VKORC1L1: variants seen among roughly 807,000 people sequenced by gnomAD.
VKORC1L1 encodes vitamin K epoxide reductase complex subunit 1-like protein 1.
VKORC1L1 carries 2 observed loss-of-function variants against 18.9 expected under a neutral mutation model. That is an observed-to-expected ratio of 0.11 (90% CI 0.04 to 0.33). The LOEUF (loss-of-function observed/expected upper bound fraction) is 0.33. Ranked by LOEUF, VKORC1L1 falls within the 10% of genes least tolerant of loss-of-function variation. The pLI is 1.00. For synonymous variants in VKORC1L1, 96 were observed against 100.0 expected (o/e 0.96, Z 0.24); for missense variants, 123 against 224.1 (o/e 0.55, Z 2.88).
chr7:65,941,677 T>G (rs924389200), intron 1 of VKORC1L1, among the ~76,000 whole-genome samples: 16 of 124,856 alleles, frequency 1.3e-4, no homozygotes, highest in African/African-American at 6.6e-4. Flanking sequence ...CTTAAGGTTT[T>G]TTTTTTTTTT....
chr7:65,872,866 C>G (rs564974062), upstream of VKORC1L1, among the ~76,000 whole-genome samples: 3 of 152,100 alleles, frequency 2.0e-5, no homozygotes, highest in African/African-American at 4.8e-5. Context: ...GAGGGTTCGC[C>G]CAGTCACCCA....
chr7:65,924,202 C>A (rs1789723151), intron 1 of VKORC1L1, among the ~76,000 whole-genome samples: 1 of 152,172 alleles, frequency 6.6e-6, no homozygotes, highest in Admixed American at 6.5e-5. Context: ...CTGGGCATAT[C>A]AGCTTCCCAA....
chr7:65,935,628 C>T (rs572360996), intron 1 of VKORC1L1, among the ~76,000 whole-genome samples: 2 of 152,192 alleles, frequency 1.3e-5, no homozygotes, highest in East Asian at 3.9e-4. Context: ...GTTTCTGATG[C>T]AAAATTGGTA....
At chr7:65,873,798 G>A (rs2116314738) in intron 1 of VKORC1L1, among the ~76,000 whole-genome samples, 1 of 151,866 alleles carries the variant, frequency 6.6e-6, no homozygotes, top group South Asian at 2.1e-4. Flanking sequence ...AGGCAGCCGG[G>A]GAGGGATGAG....
chr7:65,911,242 T>C (rs1184277068), intron 1 of VKORC1L1, among the ~76,000 whole-genome samples: 1 of 152,238 alleles, frequency 6.6e-6, no homozygotes, highest in Non-Finnish European at 1.5e-5. Flanking sequence ...GTAAATTTGG[T>C]TAAAAAGAAT....
intron 1 of VKORC1L1, among the ~76,000 whole-genome samples, chr7:65,930,079 A>C (rs1375842041): frequency 6.6e-6 from 1 of 152,178 alleles, no homozygotes; most frequent in Non-Finnish European, 1.5e-5. Flanking sequence ...CTAATAGTTC[A>C]TTACTAGAAT....
At chr7:65,893,171 T>A (rs747119175) in intron 1 of VKORC1L1, among the ~76,000 whole-genome samples, 1 of 152,154 alleles carries the variant, frequency 6.6e-6, no homozygotes, top group Non-Finnish European at 1.5e-5. Context: ...AAAACAGTTA[T>A]TTTTCATTAA....
chr7:65,947,876 GA>G (rs1324747281), intron 1 of VKORC1L1, among the ~76,000 whole-genome samples: 8 of 152,186 alleles, frequency 5.3e-5, no homozygotes, highest in African/African-American at 1.7e-4. Context: ...ATTTTGAGTA[GA>G]GACGGGTTTC....
At chr7:65,925,346 A>G (rs988381105) in intron 1 of VKORC1L1, among the ~76,000 whole-genome samples, 13 of 152,094 alleles carry the variant, frequency 8.5e-5, no homozygotes, top group African/African-American at 2.2e-4. Context: ...TACTTCTTCA[A>G]TCTTCGGATC....
intron 1 of VKORC1L1, among the ~76,000 whole-genome samples, chr7:65,910,369 C>T (rs776425313): frequency 2.6e-5 from 4 of 151,860 alleles, no homozygotes; most frequent in African/African-American, 7.3e-5. Flanking sequence ...TTTTTTGTAC[C>T]GAGATCACAC....
chr7:65,876,760 T>C (rs1788833742), intron 1 of VKORC1L1, among the ~76,000 whole-genome samples: 1 of 152,136 alleles, frequency 6.6e-6, no homozygotes, highest in South Asian at 2.1e-4. Flanking sequence ...AACACCTACT[T>C]AGGGCCTGGT....
In VKORC1L1 at chr7:65,899,675, C is replaced by T. The variant is rs149462664; in HGVS notation, c.194+26110C>T. 2.7e-3 allele frequency among the ~76,000 whole-genome samples: 405 copies of T among 152,144 alleles called. 2 individuals are homozygous for T. Among genetic ancestry groups the T allele is most frequent in the African/African-American group, 9.3e-3 (387 of 41,524 alleles). ...GTGAGATTCTGGCCTGTGAAAACAG[C>T]TGGAGTTACGAGATAGAAATGGGGA... On this transcript the variant is annotated intron_variant, in intron 1 of 2. Transcript: ENST00000360768.
At chr7:65,942,303 C>T (rs1253889003) in intron 1 of VKORC1L1, among the ~76,000 whole-genome samples, 1 of 151,282 alleles carries the variant, frequency 6.6e-6, no homozygotes, top group Non-Finnish European at 1.5e-5. Flanking sequence ...CTGGCTAACA[C>T]GGTGAAACCC....
chr7:65,905,879 T>C (rs1789397962), intron 1 of VKORC1L1, among the ~76,000 whole-genome samples: 2 of 152,192 alleles, frequency 1.3e-5, no homozygotes, highest in African/African-American at 4.8e-5. Flanking sequence ...GCTTGTAGGA[T>C]ACTTACTTTA....
At chr7:65,902,057 C>T (rs2116394490) in intron 1 of VKORC1L1, among the ~76,000 whole-genome samples, 1 of 152,186 alleles carries the variant, frequency 6.6e-6, no homozygotes, top group Middle Eastern at 3.4e-3. Flanking sequence ...AGAACAAAGT[C>T]CAGCCCTATT....
intron 1 of VKORC1L1, among the ~76,000 whole-genome samples, chr7:65,927,369 A>G (rs550982883): frequency 2.6e-5 from 4 of 152,136 alleles, no homozygotes; most frequent in Non-Finnish European, 5.9e-5. Context: ...AGAATTCACT[A>G]TATGTAGGAT....
intron 1 of VKORC1L1, among the ~76,000 whole-genome samples, chr7:65,921,976 C>T (rs1789683831): frequency 6.6e-6 from 1 of 152,074 alleles, no homozygotes; most frequent in East Asian, 1.9e-4. Flanking sequence ...CATGAGCCAC[C>T]TCATTTCTTT....
chr7:65,904,033 G>A (rs1441540376), intron 1 of VKORC1L1, among the ~76,000 whole-genome samples: 2 of 152,140 alleles, frequency 1.3e-5, no homozygotes, highest in African/African-American at 4.8e-5. Flanking sequence ...GAAATGTTCT[G>A]CAGTTAGTGG....
Position 65,954,318 on chromosome 7 carries a change from C to G in VKORC1L1, c.*18C>G. 6.2e-7 allele frequency: 1 copy of G among 1,613,780 alleles called. No individual in the cohort carries two copies. Among genetic ancestry groups the G allele is most frequent in the Non-Finnish European group, 8.5e-7 (1 of 1,179,976 alleles). ...AGGACTGACGCCCGACAGACTCCACCCTAACAGTCTCAAGCCCCTTTCCAT... is the reference window on the plus strand; with the variant it reads ...AGGACTGACGCCCGACAGACTCCACGCTAACAGTCTCAAGCCCCTTTCCAT... On this transcript the variant is annotated 3_prime_UTR_variant, in exon 3 of 3. Coordinates refer to ENST00000360768, the MANE Select transcript of VKORC1L1 (RefSeq NM_173517.6).
Sources: gnomAD v4.1 joint callset for allele counts (sites outside exome capture counted in the v4.1 genomes callset) on GRCh38, gnomAD v4.1.1 for gene constraint, MANE v1.5 for transcripts, NCBI Gene and HGNC (gene_info 2026-07-23, HGNC 2026-07-21) for gene names.